The following MYO5A variants were observed in gnomAD, a reference collection of about 807,000 sequenced individuals.
MYO5A encodes the protein unconventional myosin-Va.
A neutral mutation model predicts 249.7 loss-of-function variants in MYO5A; 98 were observed. That is an observed-to-expected ratio of 0.39 (90% CI 0.33 to 0.46). The LOEUF (loss-of-function observed/expected upper bound fraction) is 0.46. Ranked by LOEUF, MYO5A falls within the 20% of genes least tolerant of loss-of-function variation. MYO5A has a pLI of 0.98. For synonymous variants in MYO5A, 778 were observed against 810.6 expected, an observed-to-expected ratio of 0.96 and a Z score of 0.68; for missense variants, 1,696 against 2,308.8, an observed-to-expected ratio of 0.73 and a Z score of 5.44.
chr15:52,363,059 T>A (rs750009957), intron 24 of MYO5A, among the ~76,000 whole-genome samples: 1 of 152,212 alleles, frequency 6.6e-6, no homozygotes, highest in African/African-American at 2.4e-5. Context: ...CTTATTAACA[T>A]CCCAAATAAC....
In MYO5A at chr15:52,356,308, A is replaced by C. The variant is rs138918838; in HGVS notation, c.3424-2294T>G. Among the ~76,000 whole-genome samples the C allele has an allele frequency of 5.1e-4, 78 of 152,276 alleles. 1 individual carries two copies. In the East Asian group the frequency reaches 0.015, roughly 29 times the overall value. On this transcript the variant is annotated intron_variant, in intron 25 of 41. Coordinates refer to ENST00000399233, the MANE Select transcript of MYO5A (RefSeq NM_001382347.1). ...GAGAACAGAATAAGCTTTTACAGAA[A>C]ATTTAGGAAATAAGAAAAGTTCAAA...
chr15:52,403,432 G>T (rs963171282), intron 9 of MYO5A, among the ~76,000 whole-genome samples: 1 of 152,202 alleles, frequency 6.6e-6, no homozygotes, highest in Admixed American at 6.5e-5. Flanking sequence ...GATGGATTTT[G>T]AAAGAAGCCA....
Position 52,410,374 on chromosome 15 carries a change from T to C in MYO5A, c.715A>G (p.Met239Val). The change falls in exon 6 of 42, where the codon ATG (methionine) becomes GTG (valine). Residue 239 changes from methionine to valine, a missense_variant. Physicochemically the swap from Met to Val is conservative, Grantham distance 21. Around this residue, in one of 5 missense-constraint regions of MYO5A, gnomAD observed 197 missense variants for 320.3 expected, o/e 0.62. Transcript: ENST00000399233. ...DKRYRIIGAN[M>V]RTYLLEKSRV... ...GATTTCTCTAAAAGATAAGTTCTCATATTGGCACCAATGATTCGATATCTC... is the reference window on the plus strand; with the variant it reads ...GATTTCTCTAAAAGATAAGTTCTCACATTGGCACCAATGATTCGATATCTC... 6.2e-7 allele frequency: 1 copy of C among 1,613,950 alleles called. No homozygotes were observed. The highest frequency in any genetic ancestry group is 8.5e-7 in the Non-Finnish European group (1 of 1,179,844).
chr15:52,451,121 A>G (rs1259436621), intron 1 of MYO5A, among the ~76,000 whole-genome samples: 1 of 152,042 alleles, frequency 6.6e-6, no homozygotes, highest in African/African-American at 2.4e-5. Flanking sequence ...AACAAGTCCA[A>G]AACAGAACTC....
chr15:52,524,069 T>G (rs535616721), intron 1 of MYO5A, among the ~76,000 whole-genome samples: 1 of 152,328 alleles, frequency 6.6e-6, no homozygotes, highest in South Asian at 2.1e-4. Flanking sequence ...GTTACACATA[T>G]ACAATCTACT....
chr15:52,331,596 A>G (rs1405332612), intron 34 of MYO5A: 8 of 816,972 alleles, frequency 9.8e-6, no homozygotes, highest in African/African-American at 3.7e-5. Context: ...TGCTGACTCC[A>G]CGAGGTGTCA....
intron 5 of MYO5A, among the ~76,000 whole-genome samples, chr15:52,412,266 C>G (rs2043283002): frequency 6.6e-6 from 1 of 152,206 alleles, no homozygotes; most frequent in Non-Finnish European, 1.5e-5. Context: ...CCACCTTCCA[C>G]ATATCATCTC....
chr15:52,368,355 A>AG (rs985046628), intron 22 of MYO5A, among the ~76,000 whole-genome samples: 9 of 152,136 alleles, frequency 5.9e-5, no homozygotes, highest in Non-Finnish European at 1.3e-4. Context: ...CTTGTTTGGT[A>AG]GGGGTGCACA....
At chr15:52,349,919 A>G (rs577084571) in intron 28 of MYO5A, among the ~76,000 whole-genome samples, 244 of 151,920 alleles carry the variant, frequency 1.6e-3, no homozygotes, top group African/African-American at 5.7e-3. Flanking sequence ...GGGGTTTATG[A>G]TTATGATTAT....
chr15:52,353,202 T>G (rs1280349829), intron 27 of MYO5A, among the ~76,000 whole-genome samples: 1 of 152,242 alleles, frequency 6.6e-6, no homozygotes, highest in Non-Finnish European at 1.5e-5. Context: ...TCTAATACTT[T>G]GTGAATCCAG....
At chr15:52,380,190 T>G (rs1208409975) in intron 16 of MYO5A, among the ~76,000 whole-genome samples, 1 of 152,088 alleles carries the variant, frequency 6.6e-6, no homozygotes, top group African/African-American at 2.4e-5. Flanking sequence ...AATCCCAGAA[T>G]TTTGGGAGGC....
intron 1 of MYO5A, among the ~76,000 whole-genome samples, chr15:52,528,460 G>C (rs964419936): frequency 2.0e-5 from 3 of 152,228 alleles, no homozygotes; most frequent in African/African-American, 4.8e-5. Context: ...AAGCAGGAGG[G>C]GAGGCACGCC....
intron 37 of MYO5A, among the ~76,000 whole-genome samples, chr15:52,322,201 C>T (rs2038362972): frequency 6.6e-6 from 1 of 152,268 alleles, no homozygotes; most frequent in African/African-American, 2.4e-5. Context: ...TCCTTACCAC[C>T]TACTTAATGA....
intron 5 of MYO5A, among the ~76,000 whole-genome samples, chr15:52,411,154 AT>A (rs1372061777): frequency 6.6e-6 from 1 of 152,104 alleles, no homozygotes; most frequent in Admixed American, 6.5e-5. Context: ...TCAGGTTTTT[AT>A]TTTTTTCCAA....
chr15:52,466,782 C>T lies in MYO5A; in HGVS notation c.28-33497G>A, dbSNP rs2076362734. Among the ~76,000 whole-genome samples the T allele has an allele frequency of 2.6e-5, 4 of 152,196 alleles. No homozygotes were observed. The South Asian group carries it at 8.3e-4, about 31-fold the overall frequency. ...TCCAAGATAGGGTGCAGGATCCAGG[C>T]CCCTGGGGGTTCCATGGCCCAATCC... On this transcript the variant is annotated intron_variant, in intron 1 of 41. Transcript: ENST00000399233.
intron 1 of MYO5A, among the ~76,000 whole-genome samples, chr15:52,506,513 T>A (rs2077275025): frequency 6.9e-6 from 1 of 143,986 alleles, no homozygotes. Flanking sequence ...GGCAACAGAG[T>A]GAGACCCTTT....
At chr15:52,391,843 C>T in intron 12 of MYO5A, 87 bp downstream of exon 12, 1 of 1,370,734 alleles carries the variant, frequency 7.3e-7, no homozygotes, top group Admixed American at 1.7e-5. Flanking sequence ...CCATGATATA[C>T]TAATGAATCT....
chr15:52,421,519 C>T (rs1369368585), intron 4 of MYO5A, among the ~76,000 whole-genome samples: 2 of 149,064 alleles, frequency 1.3e-5, no homozygotes, highest in Non-Finnish European at 3.0e-5. Context: ...ATATTCTACT[C>T]TTTGGAGGAA....
intron 1 of MYO5A, among the ~76,000 whole-genome samples, chr15:52,509,214 C>T (rs1038395900): frequency 6.6e-6 from 1 of 152,130 alleles, no homozygotes; most frequent in African/African-American, 2.4e-5. Context: ...TCAAGCAATC[C>T]ACTTGCTTCA....
Sources: gnomAD v4.1 joint callset for allele counts (sites outside exome capture counted in the v4.1 genomes callset) on GRCh38, gnomAD v4.1.1 for gene constraint, gnomAD v4.1.1 regional missense constraint, MANE v1.5 for transcripts, NCBI Gene and HGNC (gene_info 2026-07-23, HGNC 2026-07-21) for gene names.